Variants in TPRA1 observed in about 807,000 individuals in gnomAD.
The protein encoded by TPRA1 is transmembrane protein adipocyte associated 1, also known as transmembrane protein adipocyte-associated 1.
In TPRA1, 28 loss-of-function variants were observed where a neutral mutation model predicts 40.1. That is an observed-to-expected ratio of 0.70 (90% CI 0.52 to 0.96). The LOEUF (loss-of-function observed/expected upper bound fraction) is 0.96, where lower values mean the gene tolerates loss of function less well. Ranked by LOEUF, TPRA1 falls within the 40% of genes least tolerant of loss-of-function variation. The probability of loss-of-function intolerance (pLI) is 0.00; values close to 1 mark genes in which losing one functional copy is unlikely to be tolerated. For missense variants in TPRA1, 441 were observed against 482.6 expected, an observed-to-expected ratio of 0.91 and a Z score of 0.81; for synonymous variants, 219 against 209.7, an observed-to-expected ratio of 1.04 and a Z score of -0.38.
rs767348937 is a variant in TPRA1 at position 127,575,248 on chromosome 3, G to A, written c.791C>T (p.Thr264Ile). The A allele has an allele frequency of 1.9e-6, 3 of 1,613,830 alleles. No individual in the cohort carries two copies. The highest frequency in any genetic ancestry group is 2.5e-6 in the Non-Finnish European group (3 of 1,179,912). The change falls in exon 10 of 11, where the codon ACC becomes ATC. Residue 264 changes from threonine (T) to isoleucine (I), a missense_variant. Thr to Ile is a moderately conservative substitution (Grantham distance 89). Coordinates refer to ENST00000355552, the MANE Select transcript of TPRA1 (RefSeq NM_001136053.4). ...AGCGAAGAAGCTGAAGTACAGGAAG[G>A]TTGTGGCATCTACACAGCTGCGGAG... The part of the protein sequence containing the change: ...IEGLCCVDAT[T>I]FLYFSFFAPL...
chr3:127,573,076 C>T lies in TPRA1; in HGVS notation c.*445G>A, dbSNP rs1248031941. On this transcript the variant is annotated 3_prime_UTR_variant, in exon 11 of 11. Transcript: ENST00000355552. Reference sequence around the variant, plus strand: ...AACCTCCACATTAGCACCTTCTGCTCCTTTTCCTTTTTATTAAAAAATAGA... The same window carrying T: ...AACCTCCACATTAGCACCTTCTGCTTCTTTTCCTTTTTATTAAAAAATAGA... 6.5e-6 allele frequency: 1 copy of T among 153,856 alleles called. No individual in the cohort carries two copies. The highest frequency in any genetic ancestry group is 1.4e-5 in the Non-Finnish European group (1 of 69,124). The allele number at this position is 153,856 out of a possible 1,614,324, so 9.5% of individuals were successfully genotyped here.
intron 3 of TPRA1, among the ~76,000 whole-genome samples, chr3:127,577,861 T>C (rs114217036): frequency 0.013 from 2,024 of 152,306 alleles, 37 homozygotes; most frequent in African/African-American, 0.042. Flanking sequence ...GGGAAGGGCA[T>C]AGGCCCCAAG....
Position 127,573,492 on chromosome 3 carries a change from C to T in TPRA1, c.*29G>A. The T allele has an allele frequency of 6.3e-7, 1 of 1,596,492 alleles. No individual in the cohort carries two copies. The highest frequency in any genetic ancestry group is 8.5e-7 in the Non-Finnish European group (1 of 1,171,162). ...TGGGCCTGCTGGCCTCCTCTCTGGC[C>T]TGTCCTCCACAGGCCCTGGCAGCTG... On this transcript the variant is annotated 3_prime_UTR_variant, in exon 11 of 11. Coordinates refer to ENST00000355552, the MANE Select transcript of TPRA1 (RefSeq NM_001136053.4).
At chr3:127,580,317 A>C in intron 1 of TPRA1, 154 bp from the exon 2 acceptor site, 2 of 821,876 alleles carry the variant, frequency 2.4e-6, no homozygotes, top group South Asian at 3.7e-5. Context: ...GTGGGGCTCC[A>C]CACAGGTCAC....
In TPRA1 at chr3:127,576,502, C is replaced by T. The variant is rs937631784; in HGVS notation, c.498+115G>A. ...AGCACCCCATGTGATTTCTCAGGTG[C>T]AAAGTTTTGAGAACTCTGAAGGTGA... On this transcript the variant is annotated intron_variant, in intron 6 of 10. Transcript: ENST00000355552. The surrounding 1 kb of genome is among the most constrained non-coding windows in gnomAD (Gnocchi z 4.6). 2 of 1,053,338 alleles carry T rather than the reference C, an allele frequency of 1.9e-6. No homozygotes were observed. The highest frequency in any genetic ancestry group is 1.6e-5 in the African/African-American group (1 of 62,582). The allele number at this position is 1,053,338 out of a possible 1,614,324, so 65.2% of individuals were successfully genotyped here.
In TPRA1 at chr3:127,572,862, C is replaced by G. The variant is rs1015876175; in HGVS notation, c.*659G>C. Among the ~76,000 whole-genome samples the G allele has an allele frequency of 1.8e-4, 28 of 152,276 alleles. No homozygotes were observed. Among genetic ancestry groups the G allele is most frequent in the African/African-American group, 6.0e-4 (25 of 41,564 alleles). ...CTCCTCTCTCTCCATGTCTGTCCCCCCTACTCAGATGGGCCCAGGGGCAGG... is the reference window on the plus strand; with the variant it reads ...CTCCTCTCTCTCCATGTCTGTCCCCGCTACTCAGATGGGCCCAGGGGCAGG... On this transcript the variant is annotated 3_prime_UTR_variant, in exon 11 of 11. Coordinates refer to ENST00000355552, the MANE Select transcript of TPRA1 (RefSeq NM_001136053.4).
At position 127,575,473 on chromosome 3, in the gene TPRA1, G is replaced by A. The variant is rs767820847; in HGVS notation, c.703C>T (p.Leu235=). 19 of 1,599,502 alleles carry A rather than the reference G, an allele frequency of 1.2e-5. 1 individual carries two copies. The highest frequency in any genetic ancestry group is 3.3e-4 in the Middle Eastern group (2 of 6,038). The change falls in exon 9 of 11, where the codon CTG becomes TTG. Residue 235 remains leucine (L), a synonymous_variant. Transcript: ENST00000355552. ...CCCTGCAGTAGGTTGAGCAGTGCCA[G>A]GATGCCCGCATACACGTAGAAGCTC... ...RRSFYVYAGI[L]ALLNLLQGLG... is the part of the protein sequence containing the mutation.
upstream of TPRA1, among the ~76,000 whole-genome samples, chr3:127,592,997 G>A (rs1303336246): frequency 6.6e-6 from 1 of 152,210 alleles, no homozygotes; most frequent in African/African-American, 2.4e-5. Flanking sequence ...TCAGGCCCCA[G>A]GAAGAATCTT....
intron 1 of TPRA1, among the ~76,000 whole-genome samples, chr3:127,589,243 C>A (rs952400613): frequency 6.6e-6 from 1 of 151,890 alleles, no homozygotes; most frequent in Admixed American, 6.6e-5. Flanking sequence ...CTGAGAACGA[C>A]TGGGTAAGGC....
In TPRA1 at chr3:127,573,652, C is replaced by T; in HGVS notation, c.991G>A (p.Ala331Thr). The change falls in exon 11 of 11, where the codon GCC (alanine) becomes ACC (threonine). Residue 331 changes from alanine (A) to threonine (T), a missense_variant. Transcript: ENST00000355552. ...EAAGAAGASA[A>T]SYSSTQFDSA... Reference sequence around the variant, plus strand: ...TCGAACTGCGTGCTCGAGTAGCTGGCAGCTGAGGCCCCAGCAGCCCCTGCA... The same window carrying T: ...TCGAACTGCGTGCTCGAGTAGCTGGTAGCTGAGGCCCCAGCAGCCCCTGCA... 1 of 1,613,466 alleles carries T rather than the reference C, an allele frequency of 6.2e-7. No individual in the cohort carries two copies. Among genetic ancestry groups the T allele is most frequent in the East Asian group, 2.2e-5 (1 of 44,884 alleles).
rs1028971857 is a variant in TPRA1 at position 127,590,593 on chromosome 3, C to T, written c.-201G>A. ...CGCGACCGGCTCCGTGGAATGAGGG[C>T]TAGGCAGGAAAGGCGAGGCGGGGTC... On this transcript the variant is annotated 5_prime_UTR_variant, in exon 1 of 11. Coordinates refer to ENST00000355552, the MANE Select transcript of TPRA1 (RefSeq NM_001136053.4). The T allele has an allele frequency of 9.2e-5, 14 of 152,196 alleles. No homozygotes were observed. The highest frequency in any genetic ancestry group is 3.1e-4 in the African/African-American group (13 of 41,454). 9.4% of individuals were successfully genotyped at this position (152,196 alleles called of 1,614,324 possible). A position where few individuals can be genotyped will look rare whatever the true frequency, so the allele number is the denominator to read the frequency against.
At position 127,572,230 on chromosome 3, in the gene TPRA1, T is replaced by TA. The variant is rs371906852; in HGVS notation, c.*1290dup. On this transcript the variant is annotated 3_prime_UTR_variant, in exon 11 of 11. Coordinates refer to ENST00000355552, the MANE Select transcript of TPRA1 (RefSeq NM_001136053.4). ...GTGCCCTCGGCACCCCATTCCCCCC[T>TA]AAAAAAAAAAGGCTGATCGCGGAGG... Among the ~76,000 whole-genome samples, 308 of 145,970 alleles carry TA rather than the reference T, an allele frequency of 2.1e-3. 1 individual carries two copies. Among genetic ancestry groups the TA allele is most frequent in the Non-Finnish European group, 3.4e-3 (227 of 65,870 alleles).
intron 3 of TPRA1, among the ~76,000 whole-genome samples, chr3:127,577,436 C>T (rs2073680521): frequency 6.6e-6 from 1 of 152,216 alleles, no homozygotes; most frequent in African/African-American, 2.4e-5. Context: ...CCTTAGCTTT[C>T]TCATCTATAA....
intron 1 of TPRA1, among the ~76,000 whole-genome samples, chr3:127,590,141 G>A (rs1019010417): frequency 6.6e-6 from 1 of 152,144 alleles, no homozygotes; most frequent in Non-Finnish European, 1.5e-5. Flanking sequence ...AGCCGGGGCC[G>A]AGCCCGACGC....
intron 1 of TPRA1, among the ~76,000 whole-genome samples, chr3:127,589,864 A>T (rs1425472379): frequency 6.6e-6 from 1 of 152,234 alleles, no homozygotes; most frequent in East Asian, 1.9e-4. Context: ...AGCACCGCCA[A>T]GCCCCGCTGG....
At chr3:127,596,158 C>T (rs770663604) in intron 1 of TPRA1, among the ~76,000 whole-genome samples, 5 of 152,170 alleles carry the variant, frequency 3.3e-5, no homozygotes, top group African/African-American at 9.7e-5. Flanking sequence ...CGGCTCACCG[C>T]AACCTCCACC....
At chr3:127,592,815 T>A (rs1178120525), upstream of TPRA1, among the ~76,000 whole-genome samples, 2 of 152,256 alleles carry the variant, frequency 1.3e-5, no homozygotes, top group Non-Finnish European at 2.9e-5. Flanking sequence ...CTGACGTAAC[T>A]GCTACGTTGT....
At chr3:127,585,538 G>A (rs1004185649) in intron 1 of TPRA1, among the ~76,000 whole-genome samples, 1 of 152,220 alleles carries the variant, frequency 6.6e-6, no homozygotes, top group African/African-American at 2.4e-5. Context: ...AGAGGACAGA[G>A]GCTTGCACTA....
Position 127,576,124 on chromosome 3 carries a change from C to G in TPRA1, c.499-74G>C. On this transcript the variant is annotated intron_variant, in intron 6 of 10. Transcript: ENST00000355552. This position sits in a 1 kb window ranked among gnomAD's most constrained non-coding sequence, Gnocchi z 4.6. ...TCTCTCCCAGGGGCTTTCCCTGATG[C>G]AAAGCCCCCTAAGCTCTCCACCACA... The G allele has an allele frequency of 2.5e-6, 3 of 1,204,292 alleles. No homozygotes were observed. The highest frequency in any genetic ancestry group is 3.6e-6 in the Non-Finnish European group (3 of 824,954). The allele number at this position is 1,204,292 out of a possible 1,614,324, so 74.6% of individuals were successfully genotyped here.
Sources: allele counts gnomAD v4.1 joint callset (sites outside exome capture counted in the v4.1 genomes callset), GRCh38; gene constraint gnomAD v4.1.1; non-coding constraint Gnocchi (gnomAD v3.1); transcripts MANE v1.5; gene names NCBI Gene and HGNC (gene_info 2026-07-23, HGNC 2026-07-21).